The following MAP1B variants were observed in gnomAD, a reference collection of about 807,000 sequenced individuals.
The protein encoded by MAP1B is microtubule associated protein 1B.
In MAP1B, 12 loss-of-function variants were observed where a neutral mutation model predicts 176.1. That is an observed-to-expected ratio of 0.07 (90% confidence interval 0.04 to 0.11). The LOEUF (loss-of-function observed/expected upper bound fraction) is 0.11, where lower values mean the gene tolerates loss of function less well. Ranked by LOEUF, MAP1B falls within the 10% of genes least tolerant of loss-of-function variation. The pLI, the probability that MAP1B is intolerant of heterozygous loss-of-function variation, is 1.00. For missense variants in MAP1B, 2,523 were observed against 2,990.5 expected, an observed-to-expected ratio of 0.84 and a Z score of 3.65; for synonymous variants, 1,044 against 1,135.0, an observed-to-expected ratio of 0.92 and a Z score of 1.61.
At position 72,118,808 on chromosome 5, in the gene MAP1B, A is replaced by G. The variant is rs944841297; in HGVS notation, c.286+3009A>G. On this transcript the variant is annotated intron_variant, in intron 2 of 6. Transcript: ENST00000296755. The stretch of plus-strand genomic sequence containing the variant: ...AGTAAAATATTTATTGCCTTTTATG[A>G]CATAAGTAAATTAAGGCTCAAGTCA... Among the ~76,000 whole-genome samples the G allele has an allele frequency of 3.9e-5, 6 of 152,302 alleles. No homozygotes were observed. In the East Asian group the frequency reaches 7.7e-4, roughly 20 times the overall value.
At chr5:72,119,854 C>G (rs1023637232) in intron 2 of MAP1B, among the ~76,000 whole-genome samples, 2 of 152,170 alleles carry the variant, frequency 1.3e-5, no homozygotes, top group African/African-American at 4.8e-5. Flanking sequence ...TAAATACTAT[C>G]ATAAAATTTT....
Position 72,107,508 on chromosome 5 carries a change from C to G in MAP1B, c.-24C>G, listed in dbSNP as rs1350902132. The stretch of plus-strand genomic sequence containing the variant: ...GAGGAGCGGCCGGAGCGAGACACTT[C>G]GCCGAGGCACAGCAGCCGGCAGGAT... On this transcript the variant is annotated 5_prime_UTR_variant, in exon 1 of 7. Coordinates refer to ENST00000296755, the MANE Select transcript of MAP1B (RefSeq NM_005909.5). 2.0e-6 allele frequency: 3 copies of G among 1,536,942 alleles called. No homozygotes were observed. The highest frequency in any genetic ancestry group is 2.6e-6 in the Non-Finnish European group (3 of 1,144,218).
intron 2 of MAP1B, among the ~76,000 whole-genome samples, chr5:72,165,035 A>G (rs2112185401): frequency 6.6e-6 from 1 of 152,218 alleles, no homozygotes; most frequent in Middle Eastern, 3.4e-3. Flanking sequence ...CTATTTTAAT[A>G]CCATGAGAAC....
At chr5:72,174,559 C>G (rs1300441182) in intron 2 of MAP1B, among the ~76,000 whole-genome samples, 1 of 152,236 alleles carries the variant, frequency 6.6e-6, no homozygotes, top group Non-Finnish European at 1.5e-5. Context: ...ATTTCTTACA[C>G]TGTATGAGTG....
intron 1 of MAP1B, among the ~76,000 whole-genome samples, chr5:72,108,570 G>C (rs1324127402): frequency 6.6e-6 from 1 of 152,222 alleles, no homozygotes; most frequent in Non-Finnish European, 1.5e-5. Flanking sequence ...CGGTACGCCG[G>C]GGACCCTGGG....
chr5:72,196,986 T>C lies in MAP1B; in HGVS notation c.3631T>C (p.Ser1211Pro). 1.2e-6 allele frequency: 2 copies of C among 1,614,212 alleles called. No individual in the cohort carries two copies. The highest frequency in any genetic ancestry group is 1.7e-6 in the Non-Finnish European group (2 of 1,180,040). ...NASASTISPPSSMEEDKFSRS... is the reference protein window; with the variant it reads ...NASASTISPPPSMEEDKFSRS... Reference sequence around the variant, plus strand: ...TTCAGCCTCTACCATATCACCACCCTCTTCCATGGAGGAAGACAAATTCAG... The same window carrying C: ...TTCAGCCTCTACCATATCACCACCCCCTTCCATGGAGGAAGACAAATTCAG... The change falls in exon 5 of 7, where the codon TCT becomes CCT. Residue 1211 changes from serine (S) to proline (P), a missense_variant. Physicochemically the swap from Ser to Pro is moderately conservative, Grantham distance 74 (BLOSUM62 -1). Coordinates refer to ENST00000296755, the MANE Select transcript of MAP1B (RefSeq NM_005909.5). The surrounding 1 kb of genome is among the most constrained non-coding windows in gnomAD (Gnocchi z 5.3).
chr5:72,113,129 A>G (rs1745373869), intron 1 of MAP1B, among the ~76,000 whole-genome samples: 1 of 152,226 alleles, frequency 6.6e-6, no homozygotes, highest in Non-Finnish European at 1.5e-5. Flanking sequence ...CTTTGCCTTT[A>G]CCAATATTAT....
At chr5:72,120,996 G>C (rs959997116) in intron 2 of MAP1B, among the ~76,000 whole-genome samples, 4 of 152,230 alleles carry the variant, frequency 2.6e-5, no homozygotes, top group Non-Finnish European at 5.9e-5. Flanking sequence ...CAGAGCTGCT[G>C]ACTATGTGTA....
chr5:72,150,073 T>C (rs1338071422), intron 2 of MAP1B, among the ~76,000 whole-genome samples: 1 of 152,180 alleles, frequency 6.6e-6, no homozygotes, highest in Non-Finnish European at 1.5e-5. Flanking sequence ...ATACCTAGGT[T>C]TTTACCCATT....
At chr5:72,123,493 G>C (rs898529501) in intron 2 of MAP1B, among the ~76,000 whole-genome samples, 1 of 147,962 alleles carries the variant, frequency 6.8e-6, no homozygotes, top group African/African-American at 2.5e-5. Flanking sequence ...TTTTTTTTTA[G>C]TTTTTTTTGA....
intron 2 of MAP1B, among the ~76,000 whole-genome samples, chr5:72,154,168 G>A (rs1030885336): frequency 9.9e-5 from 15 of 152,102 alleles, no homozygotes; most frequent in South Asian, 4.2e-4. Context: ...ATTCTCGTGT[G>A]TCTATCACAG....
Position 72,194,537 on chromosome 5 carries a change from A to T in MAP1B, c.1182A>T (p.Lys394Asn). 6.2e-7 allele frequency: 1 copy of T among 1,614,118 alleles called. No homozygotes were observed. Among genetic ancestry groups the T allele is most frequent in the Non-Finnish European group, 8.5e-7 (1 of 1,180,026 alleles). Residue 394 changes from lysine to asparagine, a missense_variant, in exon 5 of 7, where the codon AAA (lysine) becomes AAT (asparagine). This residue lies in a region of MAP1B where 1,925 missense variants were observed against 2,126.0 expected (regional missense o/e 0.91). Transcript: ENST00000296755. The surrounding 1 kb of genome is among the most constrained non-coding windows in gnomAD (Gnocchi z 7.2). ...AGTACCTAAACAAATTGTCCATGAA[A>T]CCAGAACCTCTGTTTAGAAGTGTAG... ...TLQYLNKLSM[K>N]PEPLFRSVGN...
intron 1 of MAP1B, among the ~76,000 whole-genome samples, chr5:72,109,221 T>C (rs1291076884): frequency 6.7e-6 from 1 of 148,934 alleles, no homozygotes; most frequent in Non-Finnish European, 1.5e-5. Flanking sequence ...AGCACTTGAT[T>C]TTCCCTTTTA....
intron 2 of MAP1B, among the ~76,000 whole-genome samples, chr5:72,161,685 A>C (rs73123374): frequency 0.014 from 2,072 of 152,294 alleles, 43 homozygotes; most frequent in African/African-American, 0.047. Context: ...GGCTCAGCGC[A>C]GTGGCTCACA....
chr5:72,116,593 C>A (rs1355606964), intron 2 of MAP1B: 2 of 265,164 alleles, frequency 7.5e-6, no homozygotes, highest in Non-Finnish European at 7.5e-6. Context: ...TGAGCAATAA[C>A]CTATATTCCT....
intron 1 of MAP1B, 31 bp downstream of exon 1, chr5:72,107,746 G>T: frequency 6.3e-7 from 1 of 1,594,666 alleles, no homozygotes; most frequent in Non-Finnish European, 8.5e-7. Context: ...AGAGACGCGC[G>T]CTGGGAGACG....
intron 2 of MAP1B, among the ~76,000 whole-genome samples, chr5:72,182,585 G>A (rs570876495): frequency 1.4e-4 from 21 of 152,166 alleles, no homozygotes; most frequent in Non-Finnish European, 2.8e-4. Context: ...ACCTGGAAGT[G>A]GGCTTGCTGG....
intron 2 of MAP1B, among the ~76,000 whole-genome samples, chr5:72,165,588 A>G (rs1182490573): frequency 1.3e-5 from 2 of 152,164 alleles, no homozygotes; most frequent in Non-Finnish European, 2.9e-5. Context: ...ACCTTGGGCA[A>G]GTCACATGAC....
Position 72,208,509 on chromosome 5 carries a change from T to G in MAP1B, c.*3270T>G, listed in dbSNP as rs1457692888. On this transcript the variant is annotated 3_prime_UTR_variant, in exon 7 of 7. Transcript: ENST00000296755. ...TCCCCTTTCTCAAAACCCTGAGCCC[T>G]GTGCATGCTTTCTCAGTCTTGTGGT... is the stretch of plus-strand genomic sequence containing the variant. 6.6e-6 allele frequency: 1 copy of G among 152,242 alleles called. No individual in the cohort carries two copies. Among genetic ancestry groups the G allele is most frequent in the Non-Finnish European group, 1.5e-5 (1 of 68,036 alleles). 9.4% of individuals were successfully genotyped at this position (152,242 alleles called of 1,614,324 possible). A position where few individuals can be genotyped will look rare whatever the true frequency, so the allele number is the denominator to read the frequency against.
Sources: allele counts gnomAD v4.1 joint callset (sites outside exome capture counted in the v4.1 genomes callset), GRCh38; gene constraint gnomAD v4.1.1; regional missense constraint gnomAD v4.1.1; non-coding constraint Gnocchi (gnomAD v3.1); transcripts MANE v1.5; gene names NCBI Gene and HGNC (gene_info 2026-07-23, HGNC 2026-07-21).